CC2D2B: variants seen among roughly 807,000 people sequenced by gnomAD.
CC2D2B encodes protein CC2D2B.
Under a neutral mutation model 161.2 loss-of-function variants are expected in CC2D2B, and 128 were observed. The observed-to-expected ratio is 0.79, with a 90% CI of 0.69 to 0.92. The LOEUF is 0.92. Ranked by LOEUF, CC2D2B falls within the 40% of genes least tolerant of loss-of-function variation. The pLI is 0.00. For synonymous variants in CC2D2B, 391 were observed against 449.8 expected, an observed-to-expected ratio of 0.87 and a Z score of 1.65; for missense variants, 1,173 against 1,375.1, an observed-to-expected ratio of 0.85 and a Z score of 2.32.
At chr10:95,924,953 T>A in intron 5 of CC2D2B, 109 bp downstream of exon 5, 1 of 643,884 alleles carries the variant, frequency 1.6e-6, no homozygotes, top group African/African-American at 1.8e-5. Flanking sequence ...GATTTCTAGT[T>A]AATTTACAGA....
At chr10:96,017,346 A>G (rs565932119) in intron 30 of CC2D2B, among the ~76,000 whole-genome samples, 2 of 152,330 alleles carry the variant, frequency 1.3e-5, no homozygotes, top group African/African-American at 4.8e-5. Context: ...AACTATTAAT[A>G]GAAGTTCATT....
intron 33 of CC2D2B, among the ~76,000 whole-genome samples, chr10:96,025,198 T>A (rs756267468): frequency 0.19 from 17,694 of 93,466 alleles, 2,701 homozygotes; most frequent in Middle Eastern, 0.32. Context: ...AAAAAATATA[T>A]ATATATATAT....
intron 6 of CC2D2B, among the ~76,000 whole-genome samples, chr10:95,933,902 G>A (rs898710507): frequency 7.2e-5 from 11 of 152,198 alleles, no homozygotes; most frequent in African/African-American, 2.2e-4. Flanking sequence ...AGCAGAGCTC[G>A]AGCACTGTGC....
intron 24 of CC2D2B, chr10:95,999,905 CT>C: frequency 5.8e-6 from 3 of 513,652 alleles, no homozygotes; most frequent in Admixed American, 2.4e-5. Context: ...TCTCTGGCTT[CT>C]TTTTCTGATC....
In CC2D2B at chr10:96,024,931, T is replaced by C; in HGVS notation, c.3947+20T>C. The stretch of plus-strand genomic sequence containing the variant: ...GAATAGGTACTGTGTTTTCCCCTAA[T>C]CTCTTGTTGGGTTACCTTTCAGTCT... On this transcript the variant is annotated intron_variant, in intron 33 of 34. Transcript: ENST00000646931. 6.9e-7 allele frequency: 1 copy of C among 1,448,158 alleles called. No homozygotes were observed. The highest frequency in any genetic ancestry group is 2.5e-5 in the East Asian group (1 of 39,742). 89.7% of individuals were successfully genotyped at this position (1,448,158 alleles called of 1,614,324 possible).
chr10:96,027,169 A>C (rs1246345212), intron 33 of CC2D2B, 43 bp from the exon 34 acceptor site: 5 of 1,304,070 alleles, frequency 3.8e-6, no homozygotes, highest in Non-Finnish European at 3.1e-6. Context: ...TTACCAAATG[A>C]GTTATAACTT....
In CC2D2B at chr10:95,927,310, C is replaced by G. The variant is rs372563345; in HGVS notation, c.314C>G (p.Ala105Gly). 62 of 1,550,346 alleles carry G rather than the reference C, an allele frequency of 4.0e-5. No homozygotes were observed. The highest frequency in any genetic ancestry group is 5.3e-5 in the Non-Finnish European group (61 of 1,145,676). ...FFILSGEEGS[A>G]LGKSSEQRPV... ...ATTCTGAGTGGTGAAGAAGGTTCAG[C>G]TTTGGGCAAGTCTTCAGAGCAGGTT... is the stretch of plus-strand genomic sequence containing the variant. The change falls in exon 6 of 35, where the codon GCT becomes GGT. Residue 105 changes from alanine to glycine, a missense_variant. Ala to Gly is a moderately conservative substitution (Grantham distance 60). Coordinates refer to ENST00000646931, the MANE Select transcript of CC2D2B (RefSeq NM_001349008.3).
intron 20 of CC2D2B, among the ~76,000 whole-genome samples, chr10:95,989,450 A>G (rs574199592): frequency 6.6e-6 from 1 of 151,914 alleles, no homozygotes; most frequent in Admixed American, 6.5e-5. Flanking sequence ...TGTTTTTCCC[A>G]CTCATCCCCT....
intron 9 of CC2D2B, among the ~76,000 whole-genome samples, chr10:95,941,948 T>C (rs907451804): frequency 6.6e-6 from 1 of 152,202 alleles, no homozygotes; most frequent in African/African-American, 2.4e-5. Flanking sequence ...AACCTAGCTG[T>C]TCATTGACAG....
At chr10:95,991,035 G>T (rs2077934963) in intron 20 of CC2D2B, among the ~76,000 whole-genome samples, 1 of 152,182 alleles carries the variant, frequency 6.6e-6, no homozygotes, top group South Asian at 2.1e-4. Flanking sequence ...TGGATTCACA[G>T]GGCAATTGTC....
intron 15 of CC2D2B, among the ~76,000 whole-genome samples, chr10:95,970,802 A>G (rs1388504961): frequency 1.3e-5 from 2 of 152,248 alleles, no homozygotes; most frequent in African/African-American, 2.4e-5. Context: ...TCACAGAGCT[A>G]CAACTCCTAC....
chr10:95,957,122 G>C (rs1024268039), intron 11 of CC2D2B, among the ~76,000 whole-genome samples: 3 of 152,098 alleles, frequency 2.0e-5, no homozygotes, highest in African/African-American at 4.8e-5. Context: ...ATGGCAGGCA[G>C]CTGTGTACCT....
At chr10:95,971,311 C>G (rs1784575521) in intron 15 of CC2D2B, among the ~76,000 whole-genome samples, 2 of 151,512 alleles carry the variant, frequency 1.3e-5, no homozygotes, top group South Asian at 4.2e-4. Context: ...ATTGCTTGAA[C>G]CCAGGAGGCG....
intron 7 of CC2D2B, 136 bp downstream of exon 7, chr10:95,938,325 T>G: frequency 1.5e-6 from 1 of 655,188 alleles, no homozygotes; most frequent in Non-Finnish European, 2.6e-6. Flanking sequence ...TTTTCATGAC[T>G]TCCCTGAATT....
At chr10:95,996,275 A>G (rs980874120) in intron 24 of CC2D2B, 23 bp downstream of exon 24, 23 of 1,048,122 alleles carry the variant, frequency 2.2e-5, no homozygotes, top group Non-Finnish European at 2.7e-5. Context: ...TCATTTTTCC[A>G]TAGCTCCTAA....
intron 33 of CC2D2B, among the ~76,000 whole-genome samples, chr10:96,025,385 A>T (rs867164376): frequency 6.8e-6 from 1 of 146,598 alleles, no homozygotes; most frequent in Middle Eastern, 3.6e-3. Context: ...AAAAAAAAAA[A>T]GTTCCATTGA....
At position 96,032,145 on chromosome 10, in the gene CC2D2B, GCTGGGCACTATGGAGACTCGCACCCC is replaced by G. The variant is rs2142000359; in HGVS notation, c.*138_*163del. The G allele has an allele frequency of 1.6e-6, 1 of 644,962 alleles. No homozygotes were observed. The highest frequency in any genetic ancestry group is 2.7e-6 in the Non-Finnish European group (1 of 376,984). The allele number at this position is 644,962 out of a possible 1,614,324, so 40.0% of individuals were successfully genotyped here. On this transcript the variant is annotated 3_prime_UTR_variant, in exon 35 of 35. Coordinates refer to ENST00000646931, the MANE Select transcript of CC2D2B (RefSeq NM_001349008.3). ...GCCCAATTTTTGATTCACTTACAGA[GCTGGGCACTATGGAGACTCGCACCCC>G]TGAGTGAGTCTTTGAGGAGGAGTCT...
intron 24 of CC2D2B, among the ~76,000 whole-genome samples, chr10:96,001,250 T>C (rs1173798562): frequency 6.6e-6 from 1 of 152,178 alleles, no homozygotes; most frequent in Non-Finnish European, 1.5e-5. Flanking sequence ...ATTAAACATC[T>C]AAACATTTTT....
At position 96,025,175 on chromosome 10, in the gene CC2D2B, ATATAT is replaced by A. The variant is rs1564684009; in HGVS notation, c.3947+265_3947+269del. ...AAAAAATATATATATATATATATATATATATATATAAAAAAAAATATATATATATA... is the reference window on the plus strand; with the variant it reads ...AAAAAATATATATATATATATATATAATATAAAAAAAAATATATATATATA... On this transcript the variant is annotated intron_variant, in intron 33 of 34. Transcript: ENST00000646931. Among the ~76,000 whole-genome samples, 213 of 52,468 alleles carry A rather than the reference ATATAT, an allele frequency of 4.1e-3. 12 individuals carry two copies. The East Asian group carries it at 0.12, about 31-fold the overall frequency. The allele number at this position is 52,468 out of a possible 152,430, so 34.4% of individuals were successfully genotyped here. A position where few individuals can be genotyped will look rare whatever the true frequency, so the allele number is the denominator to read the frequency against.
Sources: gnomAD v4.1 joint callset for allele counts (sites outside exome capture counted in the v4.1 genomes callset) on GRCh38, gnomAD v4.1.1 for gene constraint, MANE v1.5 for transcripts, NCBI Gene and HGNC (gene_info 2026-07-23, HGNC 2026-07-21) for gene names.